The following ALMS1 variants were observed in gnomAD, a reference collection of about 807,000 sequenced individuals.
The protein encoded by ALMS1 is centrosome-associated protein ALMS1.
Under a neutral mutation model 352.2 loss-of-function variants are expected in ALMS1, and 271 were observed. The ratio of observed to expected loss-of-function variants is 0.77; its 90% CI spans 0.70 to 0.85. ALMS1 has a LOEUF of 0.85. ALMS1 is among the 40% of genes least tolerant of loss of function. The pLI, the probability that ALMS1 is intolerant of heterozygous loss-of-function variation, is 0.00. For synonymous variants in ALMS1, 1,865 were observed against 1,761.2 expected (o/e 1.06, Z -1.48); for missense variants, 5,445 against 4,870.7 (o/e 1.12, Z -3.51).
intron 2 of ALMS1, among the ~76,000 whole-genome samples, chr2:73,414,489 G>GTTTGTTTTTTTTTGT: frequency 1.1e-5 from 1 of 94,250 alleles, no homozygotes; most frequent in African/African-American, 4.5e-5. Flanking sequence ...TTTTTTTTTT[G>GTTTGTTTTTTTTTGT]TTTTTTTTTT....
chr2:73,469,172 A>G (rs933603546), intron 9 of ALMS1, among the ~76,000 whole-genome samples: 5 of 151,978 alleles, frequency 3.3e-5, no homozygotes, highest in South Asian at 4.1e-4. Context: ...ATATGGACCA[A>G]TAACTCAACA....
chr2:73,419,229 A>C lies in ALMS1; in HGVS notation c.557A>C (p.Asp186Ala), dbSNP rs375830111. The part of the protein sequence containing the change: ...NVRTEDTEVT[D>A]FPSLEEGILT... ...AGAACGGAAGATACTGAAGTGACAG[A>C]CTTCCCCTCTCTGGAGGAGGGCATA... is the stretch of plus-strand genomic sequence containing the variant. The change falls in exon 3 of 23, where the codon GAC (aspartate) becomes GCC (alanine). Residue 186 changes from aspartate (D) to alanine (A), a missense_variant. Transcript: ENST00000613296. 1.2e-6 allele frequency: 2 copies of C among 1,613,928 alleles called. No individual in the cohort carries two copies. The highest frequency in any genetic ancestry group is 2.7e-5 in the African/African-American group (2 of 74,934).
At chr2:73,500,983 T>C (rs1219245963) in intron 10 of ALMS1, among the ~76,000 whole-genome samples, 1 of 152,178 alleles carries the variant, frequency 6.6e-6, no homozygotes, top group Non-Finnish European at 1.5e-5. Context: ...TTATTCCACA[T>C]CCTTGCCAAC....
chr2:73,572,527 C>CA lies in ALMS1; in HGVS notation c.10652dup (p.Asn3551LysfsTer14), dbSNP rs1674958525. The CA allele has an allele frequency of 6.2e-7, 1 of 1,613,700 alleles. No individual in the cohort carries two copies. The highest frequency in any genetic ancestry group is 1.3e-5 in the African/African-American group (1 of 74,998). ...ATACCAGAATAAAGAGCCTCAGCAT[C>CA]AATGTGAATTTGGGAAACAAAGAAG... On this transcript the variant is annotated frameshift_variant, in exon 16 of 23. Coordinates refer to ENST00000613296, the MANE Select transcript of ALMS1 (RefSeq NM_001378454.1). LOFTEE classifies it high-confidence loss of function.
intron 11 of ALMS1, among the ~76,000 whole-genome samples, chr2:73,526,905 G>A (rs988964716): frequency 6.6e-6 from 1 of 152,128 alleles, no homozygotes; most frequent in Non-Finnish European, 1.5e-5. Flanking sequence ...CTAGCTGTGG[G>A]TCTGTCATAT....
intron 7 of ALMS1, 62 bp downstream of exon 7, chr2:73,432,353 G>T: frequency 8.4e-7 from 1 of 1,187,154 alleles, no homozygotes. Flanking sequence ...AAAATATCTT[G>T]TTAGGTCTAT....
At chr2:73,414,217 T>G (rs1671134355) in intron 2 of ALMS1, among the ~76,000 whole-genome samples, 1 of 152,112 alleles carries the variant, frequency 6.6e-6, no homozygotes, top group African/African-American at 2.4e-5. Context: ...TTTGCTGTCT[T>G]CAGTGTGCCA....
rs1387938484 is a variant in ALMS1 at position 73,453,755 on chromosome 2, GTCA to G, written c.7230_7232del (p.Ile2411del). ...TAAAATTATTATCCCTATGATGACTGTCATAAAAAGTGATTCAAGTAGTGATGC... is the reference window on the plus strand; with the variant it reads ...TAAAATTATTATCCCTATGATGACTGTAAAAAGTGATTCAAGTAGTGATGC... On this transcript the variant is annotated inframe_deletion, in exon 8 of 23. Transcript: ENST00000613296. 6.2e-7 allele frequency: 1 copy of G among 1,614,146 alleles called. No homozygotes were observed. The highest frequency in any genetic ancestry group is 1.1e-5 in the South Asian group (1 of 91,080).
intron 8 of ALMS1, chr2:73,454,434 T>C (rs1219468240): frequency 2.2e-6 from 2 of 927,314 alleles, no homozygotes; most frequent in African/African-American, 3.6e-5. Context: ...CCTCCCATTA[T>C]AGTATCCTTA....
chr2:73,523,765 C>T (rs536214516), intron 11 of ALMS1, among the ~76,000 whole-genome samples: 1 of 151,766 alleles, frequency 6.6e-6, no homozygotes, highest in South Asian at 2.1e-4. Context: ...AGACTCCTTC[C>T]CCCTTCCCCA....
At chr2:73,399,563 C>T (rs538206152) in intron 1 of ALMS1, among the ~76,000 whole-genome samples, 2 of 151,902 alleles carry the variant, frequency 1.3e-5, no homozygotes, top group African/African-American at 4.8e-5. Context: ...GCTCACTTAT[C>T]ACTAAGGGAA....
rs755836338 is a variant in ALMS1 at position 73,491,090 on chromosome 2, T to C, written c.9131T>C (p.Leu3044Pro). 6.2e-7 allele frequency: 1 copy of C among 1,614,204 alleles called. No homozygotes were observed. Among genetic ancestry groups the C allele is most frequent in the South Asian group, 1.1e-5 (1 of 91,080 alleles). The stretch of plus-strand genomic sequence containing the variant: ...ACTCCTCCTTCAAATAGAAAAGCAC[T>C]TTCTTGTGTTCATATAACTCTTTGT... ...ASTPPSNRKA[L>P]SCVHITLCPK... Residue 3044 changes from leucine to proline, a missense_variant, in exon 10 of 23, where the codon CTT (leucine) becomes CCT (proline). Physicochemically the swap from Leu to Pro is moderately conservative, Grantham distance 98 (BLOSUM62 -3). Transcript: ENST00000613296.
At chr2:73,486,200 A>T (rs865973497) in intron 9 of ALMS1, among the ~76,000 whole-genome samples, 2 of 152,086 alleles carry the variant, frequency 1.3e-5, no homozygotes, top group East Asian at 1.9e-4. Context: ...AGGCTAGCAG[A>T]TACAAGACCT....
chr2:73,444,047 T>G (rs1671764849), intron 7 of ALMS1, among the ~76,000 whole-genome samples: 1 of 152,210 alleles, frequency 6.6e-6, no homozygotes, highest in Admixed American at 6.5e-5. Context: ...CCATAATTTT[T>G]ATTGACGCCC....
Position 73,558,963 on chromosome 2 carries a change from C to G in ALMS1, c.10214-9C>G. The G allele has an allele frequency of 6.2e-7, 1 of 1,613,694 alleles. No individual in the cohort carries two copies. The highest frequency in any genetic ancestry group is 8.5e-7 in the Non-Finnish European group (1 of 1,179,832). On this transcript the variant is annotated splice_polypyrimidine_tract_variant and intron_variant, in intron 14 of 22. Transcript: ENST00000613296. ...CTGTCTGTATAGTGTGTTAATTTCC[C>G]TTTCGTAGATTCCAGTGCTGCTGCT...
In ALMS1 at chr2:73,432,291, G is replaced by A; in HGVS notation, c.1432G>A (p.Gly478Arg). 1.9e-6 allele frequency: 3 copies of A among 1,605,044 alleles called. No homozygotes were observed. Among genetic ancestry groups the A allele is most frequent in the Non-Finnish European group, 2.6e-6 (3 of 1,172,066 alleles). The change falls in exon 7 of 23, where the codon GGA becomes AGA. Residue 478 changes from glycine (G) to arginine (R), a missense_variant and splice_region_variant. Coordinates refer to ENST00000613296, the MANE Select transcript of ALMS1 (RefSeq NM_001378454.1). The stretch of plus-strand genomic sequence containing the variant: ...AAAGGCTCCTAAACATTTAAAAGCA[G>A]GTACGTAGAAAAAGGAGATAGTAAA... ...VPKAPKHLKA[G>R]DTSKGGIAKV...
intron 15 of ALMS1, among the ~76,000 whole-genome samples, chr2:73,559,765 G>T (rs1234201142): frequency 6.6e-6 from 1 of 151,862 alleles, no homozygotes; most frequent in Admixed American, 6.6e-5. Flanking sequence ...CAATAGCCAA[G>T]ACTACACAAT....
chr2:73,408,857 TTCTTG>T, intron 2 of ALMS1, 110 bp downstream of exon 2: 1 of 911,688 alleles, frequency 1.1e-6, no homozygotes, highest in African/African-American at 1.7e-5. Flanking sequence ...ATATTATGTT[TTCTTG>T]TCTTTTTTTT....
intron 11 of ALMS1, among the ~76,000 whole-genome samples, chr2:73,533,839 C>T (rs868666439): frequency 2.6e-5 from 4 of 152,108 alleles, no homozygotes; most frequent in Admixed American, 6.6e-5. Flanking sequence ...AGTAAATTGT[C>T]GCAGACATAT....
Sources: gnomAD v4.1 joint callset for allele counts (sites outside exome capture counted in the v4.1 genomes callset) on GRCh38, gnomAD v4.1.1 for gene constraint, MANE v1.5 for transcripts, NCBI Gene and HGNC (gene_info 2026-07-23, HGNC 2026-07-21) for gene names.